Variants in NOL4 observed in about 807,000 individuals in gnomAD.
NOL4 encodes the protein nucleolar protein 4.
In NOL4, 17 loss-of-function variants were observed where a neutral mutation model predicts 75.9. The ratio of observed to expected loss-of-function variants is 0.22; its 90% CI spans 0.15 to 0.34. The LOEUF (loss-of-function observed/expected upper bound fraction) is 0.34. NOL4 is among the 10% of genes least tolerant of loss of function. The pLI is 1.00. For synonymous variants in NOL4, 292 were observed against 289.9 expected (o/e 1.01, Z -0.07); for missense variants, 614 against 793.5 (o/e 0.77, Z 2.72).
intron 6 of NOL4, among the ~76,000 whole-genome samples, chr18:33,992,999 G>A (rs1201214020): frequency 2.0e-5 from 3 of 151,952 alleles, no homozygotes; most frequent in Admixed American, 1.3e-4. Flanking sequence ...TTTAGTGGAC[G>A]GCAACTGGAA....
intron 1 of NOL4, among the ~76,000 whole-genome samples, chr18:34,181,610 A>C (rs530572631): frequency 9.2e-5 from 14 of 151,544 alleles, no homozygotes; most frequent in Admixed American, 9.2e-4. Flanking sequence ...TATAAATAAC[A>C]CTATCAAAGA....
chr18:33,852,715 T>A lies in NOL4; in HGVS notation c.*127A>T. ...CATCACTTACGGATCAAGGACAATG[T>A]GGCATAATGGAAGTATTTCTCTTAA... On this transcript the variant is annotated 3_prime_UTR_variant, in exon 11 of 11. Coordinates refer to ENST00000261592, the MANE Select transcript of NOL4 (RefSeq NM_003787.5). 1.3e-6 allele frequency: 1 copy of A among 799,486 alleles called. No homozygotes were observed. Among genetic ancestry groups the A allele is most frequent in the Middle Eastern group, 3.8e-4 (1 of 2,636 alleles). The allele number at this position is 799,486 out of a possible 1,614,324, so 49.5% of individuals were successfully genotyped here.
At chr18:34,053,788 C>T (rs553734120) in intron 5 of NOL4, among the ~76,000 whole-genome samples, 5 of 151,878 alleles carry the variant, frequency 3.3e-5, no homozygotes, top group African/African-American at 1.2e-4. Context: ...ATTTTTAACA[C>T]AGTTTTTGAA....
intron 6 of NOL4, among the ~76,000 whole-genome samples, chr18:33,977,149 C>T (rs1037419): frequency 0.61 from 92,849 of 151,976 alleles, 28,912 homozygotes; most frequent in African/African-American, 0.72. Context: ...TTACACATAT[C>T]AGAGTTCATT....
intron 5 of NOL4, among the ~76,000 whole-genome samples, chr18:34,092,909 T>C (rs914144585): frequency 5.9e-5 from 9 of 152,176 alleles, no homozygotes; most frequent in African/African-American, 2.2e-4. Flanking sequence ...TCAGAAATCT[T>C]TCATGAACCC....
intron 6 of NOL4, among the ~76,000 whole-genome samples, chr18:33,992,809 A>G (rs1262413705): frequency 6.6e-6 from 1 of 152,036 alleles, no homozygotes; most frequent in African/African-American, 2.4e-5. Context: ...TTCCTAAGGT[A>G]GAGGTGTCAG....
chr18:34,117,405 G>T (rs2079911711), intron 2 of NOL4, among the ~76,000 whole-genome samples: 1 of 152,160 alleles, frequency 6.6e-6, no homozygotes, highest in Non-Finnish European at 1.5e-5. Flanking sequence ...AAAGAGCTGG[G>T]ATATTAACCT....
At chr18:34,021,330 T>A (rs1363082480) in intron 5 of NOL4, among the ~76,000 whole-genome samples, 1 of 152,086 alleles carries the variant, frequency 6.6e-6, no homozygotes, top group Non-Finnish European at 1.5e-5. Context: ...CTTAACCAGG[T>A]GGAGAAGTTG....
intron 1 of NOL4, 78 bp downstream of exon 1, chr18:34,222,912 C>A: frequency 6.4e-7 from 1 of 1,550,694 alleles, no homozygotes; most frequent in Non-Finnish European, 8.7e-7. Context: ...GGCTCCCCCT[C>A]TCTCCCGCCT....
At chr18:33,892,883 G>A (rs1476769377) in intron 9 of NOL4, among the ~76,000 whole-genome samples, 1 of 151,688 alleles carries the variant, frequency 6.6e-6, no homozygotes, top group African/African-American at 2.4e-5. Flanking sequence ...GGTTGGTCTC[G>A]AACTCTTGAC....
At chr18:33,942,828 C>A (rs1387620160) in intron 9 of NOL4, among the ~76,000 whole-genome samples, 2 of 151,904 alleles carry the variant, frequency 1.3e-5, no homozygotes, top group African/African-American at 4.8e-5. Flanking sequence ...TAAACAGAAT[C>A]ATAACTCGTT....
chr18:33,936,410 T>G (rs1369622259), intron 9 of NOL4, among the ~76,000 whole-genome samples: 5 of 148,370 alleles, frequency 3.4e-5, no homozygotes, highest in Admixed American at 3.4e-4. Context: ...GCAGTGAGTT[T>G]TTTTTTTTTT....
At chr18:33,913,458 C>T (rs1324104758) in intron 9 of NOL4, among the ~76,000 whole-genome samples, 4 of 152,120 alleles carry the variant, frequency 2.6e-5, no homozygotes, top group African/African-American at 7.2e-5. Context: ...TATTTCAGTA[C>T]ACACTACTTT....
chr18:33,966,312 C>T (rs1279277053), intron 6 of NOL4, among the ~76,000 whole-genome samples: 1 of 152,000 alleles, frequency 6.6e-6, no homozygotes, highest in African/African-American at 2.4e-5. Flanking sequence ...TATTAACAGC[C>T]ATCTATGACA....
At position 33,852,982 on chromosome 18, in the gene NOL4, T is replaced by C; in HGVS notation, c.1777A>G (p.Ser593Gly). 4 of 1,613,142 alleles carry C rather than the reference T, an allele frequency of 2.5e-6. No homozygotes were observed. Among genetic ancestry groups the C allele is most frequent in the Non-Finnish European group, 3.4e-6 (4 of 1,179,402 alleles). ...RQLATSSGSS[S>G]SSNSRPQLSP... Reference sequence around the variant, plus strand: ...AGCTGGGGTCTGGAGTTTGAGCTGCTGGAGGATCCTGAGCTAGTCGCCAAT... The same window carrying C: ...AGCTGGGGTCTGGAGTTTGAGCTGCCGGAGGATCCTGAGCTAGTCGCCAAT... Residue 593 changes from serine to glycine, a missense_variant, in exon 11 of 11, where the codon AGC (serine) becomes GGC (glycine). This residue lies in a region of NOL4 where 128 missense variants were observed against 159.9 expected (regional missense o/e 0.80). Transcript: ENST00000261592.
chr18:34,142,546 C>A (rs2146007993), intron 1 of NOL4, among the ~76,000 whole-genome samples: 1 of 152,174 alleles, frequency 6.6e-6, no homozygotes, highest in East Asian at 1.9e-4. Flanking sequence ...ATGGATGAAG[C>A]TGGAAACCAT....
chr18:34,223,167 G>T lies in NOL4; in HGVS notation c.87C>A (p.Thr29=), dbSNP rs2037443164. The T allele has an allele frequency of 1.3e-5, 21 of 1,614,078 alleles. No homozygotes were observed. The highest frequency in any genetic ancestry group is 1.8e-5 in the Non-Finnish European group (21 of 1,180,062). Residue 29 remains threonine (T), a synonymous_variant, in exon 1 of 11, where the codon ACC becomes ACA. Transcript: ENST00000261592. ...YGDSGKTKTV[T]RKKYERIVQL... ...GGACGATCCGTTCGTATTTTTTACG[G>T]GTCACCGTCTTGGTCTTGCCTGAGT...
In NOL4 at chr18:34,102,711, A is replaced by T. The variant is rs372694949; in HGVS notation, c.639+1336T>A. Among the ~76,000 whole-genome samples the T allele has an allele frequency of 4.6e-5, 7 of 152,130 alleles. No homozygotes were observed. The East Asian group carries it at 1.2e-3, about 25-fold the overall frequency. The stretch of plus-strand genomic sequence containing the variant: ...TAGTAATAAACATATCAACATCTAA[A>T]TGAGCTTCCTACAAATAATCTGACA... On this transcript the variant is annotated intron_variant, in intron 4 of 10. Coordinates refer to ENST00000261592, the MANE Select transcript of NOL4 (RefSeq NM_003787.5).
intron 5 of NOL4, among the ~76,000 whole-genome samples, chr18:34,082,336 T>C (rs2078046621): frequency 6.6e-6 from 1 of 151,956 alleles, no homozygotes; most frequent in South Asian, 2.1e-4. Context: ...GGCTAGTAAA[T>C]TAGCCTCCGT....
Sources: allele counts gnomAD v4.1 joint callset (sites outside exome capture counted in the v4.1 genomes callset), GRCh38; gene constraint gnomAD v4.1.1; regional missense constraint gnomAD v4.1.1; transcripts MANE v1.5; gene names NCBI Gene and HGNC (gene_info 2026-07-23, HGNC 2026-07-21).